SRGAP2B: variants seen among roughly 807,000 people sequenced by gnomAD.
SRGAP2B encodes the protein SLIT-ROBO Rho GTPase-activating protein 2B.
SRGAP2B carries 9 observed loss-of-function variants against 22.2 expected under a neutral mutation model. The observed-to-expected ratio is 0.41, with a 90% confidence interval of 0.24 to 0.71. The LOEUF (loss-of-function observed/expected upper bound fraction) is 0.71. Among genes scored for constraint, SRGAP2B ranks in the 30% least tolerant of loss-of-function variants. SRGAP2B has a pLI of 0.35. For missense variants in SRGAP2B, 114 were observed against 235.8 expected (o/e 0.48, Z 3.38); for synonymous variants, 36 against 87.4 (o/e 0.41, Z 3.28).
At chr1:144,931,308 G>A (rs1315545706) in intron 4 of SRGAP2B, among the ~76,000 whole-genome samples, 5 of 149,406 alleles carry the variant, frequency 3.3e-5, no homozygotes, top group Non-Finnish European at 7.4e-5. Flanking sequence ...CTATTAATTG[G>A]TGAAGTTGGA....
intron 4 of SRGAP2B, among the ~76,000 whole-genome samples, chr1:144,941,340 T>C (rs587749333): frequency 1.5e-3 from 188 of 127,714 alleles, no homozygotes; most frequent in African/African-American, 5.6e-3. Context: ...TTCTGGGAGC[T>C]CTTGAGACCA....
chr1:145,038,076 A>G (rs1235420870), intron 2 of SRGAP2B, among the ~76,000 whole-genome samples: 2 of 68,178 alleles, frequency 2.9e-5, no homozygotes, highest in Non-Finnish European at 5.0e-5. Flanking sequence ...TACTGGAAAC[A>G]ACTCAAGTGC....
At chr1:144,944,640 G>GGCATTTATA (rs1666343327) in intron 4 of SRGAP2B, among the ~76,000 whole-genome samples, 1 of 147,782 alleles carries the variant, frequency 6.8e-6, no homozygotes, top group Non-Finnish European at 1.5e-5. Flanking sequence ...TTCATTGGAT[G>GGCATTTATA]GCATTTATAG....
intron 2 of SRGAP2B, among the ~76,000 whole-genome samples, chr1:145,030,396 A>T (rs546609): frequency 0.048 from 6,682 of 138,456 alleles, 608 homozygotes; most frequent in African/African-American, 0.18. Flanking sequence ...GATGAGTTCA[A>T]GTCCTTTGTA....
intron 3 of SRGAP2B, among the ~76,000 whole-genome samples, chr1:144,993,887 C>T (rs1317621355): frequency 6.7e-6 from 1 of 150,362 alleles, no homozygotes; most frequent in East Asian, 1.9e-4. Context: ...AACCTACGGC[C>T]TGTGGGCTGC....
intron 2 of SRGAP2B, among the ~76,000 whole-genome samples, chr1:145,023,157 CT>C (rs1433698419): frequency 2.2e-5 from 3 of 139,450 alleles, no homozygotes; most frequent in Non-Finnish European, 4.7e-5. Flanking sequence ...CAGAGTGAGA[CT>C]CTGTCTCAAA....
intron 4 of SRGAP2B, among the ~76,000 whole-genome samples, chr1:144,945,652 C>T (rs1553608329): frequency 6.7e-6 from 1 of 149,072 alleles, no homozygotes. Flanking sequence ...TACAAGTAAG[C>T]AATAATAAGA....
chr1:144,970,502 T>TG, intron 3 of SRGAP2B, among the ~76,000 whole-genome samples: 1 of 70,242 alleles, frequency 1.4e-5, no homozygotes, highest in Middle Eastern at 7.4e-3. Context: ...TGTGGTGGGG[T>TG]GGGGGGAGGG....
intron 4 of SRGAP2B, among the ~76,000 whole-genome samples, chr1:144,951,278 T>G (rs1415831670): frequency 6.9e-6 from 1 of 144,972 alleles, no homozygotes; most frequent in East Asian, 2.0e-4. Flanking sequence ...TGGGCTCAAG[T>G]GATCCTTCCC....
intron 5 of SRGAP2B, among the ~76,000 whole-genome samples, chr1:144,914,183 G>A (rs1476583480): frequency 6.6e-6 from 1 of 151,762 alleles, no homozygotes; most frequent in East Asian, 1.9e-4. Context: ...CCAGTGCAAA[G>A]CTCTCTCTGC....
chr1:144,930,741 C>T (rs1665110414), intron 4 of SRGAP2B, among the ~76,000 whole-genome samples: 1 of 149,060 alleles, frequency 6.7e-6, no homozygotes, highest in South Asian at 2.1e-4. Context: ...AATAAGTGGC[C>T]ATACGCTGTT....
At chr1:145,024,730 C>CT (rs1194196838) in intron 2 of SRGAP2B, among the ~76,000 whole-genome samples, 1 of 118,738 alleles carries the variant, frequency 8.4e-6, no homozygotes, top group African/African-American at 3.7e-5. Flanking sequence ...GCTCATTTCT[C>CT]TTTTCCCCTA....
chr1:144,909,599 A>T (rs1663263418), intron 5 of SRGAP2B, among the ~76,000 whole-genome samples: 1 of 149,748 alleles, frequency 6.7e-6, no homozygotes, highest in Non-Finnish European at 1.5e-5. Context: ...AAAAAAAAAA[A>T]AGGAAGTCTG....
intron 2 of SRGAP2B, among the ~76,000 whole-genome samples, chr1:145,020,883 C>A (rs1672754198): frequency 6.7e-6 from 1 of 149,612 alleles, no homozygotes; most frequent in South Asian, 2.1e-4. Flanking sequence ...CACTGCAAAC[C>A]CTGACTCCCT....
chr1:145,084,115 C>T (rs1264983226), intron 2 of SRGAP2B, among the ~76,000 whole-genome samples: 2 of 136,380 alleles, frequency 1.5e-5, no homozygotes, highest in African/African-American at 5.6e-5. Context: ...CTCTTGTTGC[C>T]CAGGCTGGAG....
intron 4 of SRGAP2B, among the ~76,000 whole-genome samples, chr1:144,952,396 T>G (rs587668073): frequency 6.8e-6 from 1 of 147,380 alleles, no homozygotes; most frequent in Non-Finnish European, 1.5e-5. Flanking sequence ...GCAAGGACAC[T>G]CTAAACAAAA....
intron 5 of SRGAP2B, 130 bp from the exon 6 acceptor site, chr1:144,906,204 T>C: frequency 1.7e-6 from 1 of 579,584 alleles, no homozygotes; most frequent in Non-Finnish European, 3.0e-6. Context: ...AAGGGAAAAA[T>C]CCAGAAGTGT....
At chr1:144,971,183 T>G (rs79350102) in intron 3 of SRGAP2B, among the ~76,000 whole-genome samples, 2 of 148,266 alleles carry the variant, frequency 1.3e-5, no homozygotes, top group Non-Finnish European at 3.0e-5. Flanking sequence ...CAGGCTAGAG[T>G]GCAATGGTGC....
intron 2 of SRGAP2B, among the ~76,000 whole-genome samples, chr1:144,999,213 G>A (rs1670943408): frequency 6.6e-6 from 1 of 150,514 alleles, no homozygotes; most frequent in Non-Finnish European, 1.5e-5. Context: ...TGGAGATGGT[G>A]GGGTCCTTGC....
Sources: allele counts gnomAD v4.1 joint callset (sites outside exome capture counted in the v4.1 genomes callset), GRCh38; gene constraint gnomAD v4.1.1; transcripts MANE v1.5; gene names NCBI Gene and HGNC (gene_info 2026-07-23, HGNC 2026-07-21).